The following IQCM variants were observed in gnomAD, a reference collection of about 807,000 sequenced individuals.
The protein encoded by IQCM is IQ domain-containing protein M.
In IQCM, 45 loss-of-function variants were observed where a neutral mutation model predicts 57.6. The observed-to-expected ratio is 0.78, with a 90% CI of 0.62 to 1.00. The LOEUF (loss-of-function observed/expected upper bound fraction) is 1.00. Among genes scored for constraint, IQCM ranks in the 50% least tolerant of loss-of-function variants. The pLI is 0.00. For missense variants in IQCM, 468 were observed against 511.6 expected (o/e 0.91, Z 0.82); for synonymous variants, 148 against 158.9 (o/e 0.93, Z 0.51).
intron 5 of IQCM, among the ~76,000 whole-genome samples, chr4:149,730,808 G>T (rs570660296): frequency 6.6e-6 from 1 of 152,216 alleles, no homozygotes; most frequent in African/African-American, 2.4e-5. Flanking sequence ...GTCCTTCAAT[G>T]CCACTGCAAA....
intron 12 of IQCM, among the ~76,000 whole-genome samples, chr4:149,519,811 T>C (rs1745422536): frequency 6.6e-6 from 1 of 151,860 alleles, no homozygotes; most frequent in South Asian, 2.1e-4. Context: ...AAGACCTTCC[T>C]GGCTAACACG....
chr4:149,428,566 A>G lies in IQCM; in HGVS notation c.1390+4830T>C, dbSNP rs150586755. 1.6e-4 allele frequency among the ~76,000 whole-genome samples: 24 copies of G among 151,960 alleles called. No individual in the cohort carries two copies. In the East Asian group the frequency reaches 3.9e-3, roughly 25 times the overall value. The stretch of plus-strand genomic sequence containing the variant: ...AGTGAATAAGTTTCAACTGCAATAA[A>G]GGATATATAAGAAAGTCTTATGTTA... On this transcript the variant is annotated intron_variant, in intron 13 of 13. Coordinates refer to ENST00000636793, the MANE Select transcript of IQCM (RefSeq NM_001363507.2).
intron 12 of IQCM, among the ~76,000 whole-genome samples, chr4:149,454,395 C>T (rs1421308030): frequency 6.6e-6 from 1 of 151,738 alleles, no homozygotes; most frequent in African/African-American, 2.4e-5. Context: ...CATGTTGCTA[C>T]TTGTAAGTGG....
At chr4:149,721,837 G>T (rs1432875931) in intron 5 of IQCM, among the ~76,000 whole-genome samples, 1 of 152,032 alleles carries the variant, frequency 6.6e-6, no homozygotes, top group Non-Finnish European at 1.5e-5. Flanking sequence ...TTGAATGGTA[G>T]ATCTACTTTT....
intron 12 of IQCM, among the ~76,000 whole-genome samples, chr4:149,442,953 CAGAGAG>C (rs56890715): frequency 0.13 from 12,323 of 97,392 alleles, 719 homozygotes; most frequent in South Asian, 0.3. Context: ...CACACACACA[CAGAGAG>C]AGAGAGAGAG....
intron 2 of IQCM, among the ~76,000 whole-genome samples, chr4:149,810,137 C>T (rs995522671): frequency 1.7e-4 from 26 of 151,940 alleles, no homozygotes; most frequent in African/African-American, 5.3e-4. Flanking sequence ...GTAATCCTAG[C>T]GCTTTGGGAG....
intron 2 of IQCM, among the ~76,000 whole-genome samples, chr4:149,772,910 T>G (rs2149991579): frequency 6.6e-6 from 1 of 152,336 alleles, no homozygotes; most frequent in South Asian, 2.1e-4. Context: ...GGCTAGCAGC[T>G]AAGATTTTTT....
chr4:149,429,920 G>T, intron 13 of IQCM: 1 of 1,017,464 alleles, frequency 9.8e-7, no homozygotes, highest in Non-Finnish European at 1.3e-6. Flanking sequence ...ACAACGTAAT[G>T]CCACTTGCAT....
At chr4:149,621,086 A>G in intron 8 of IQCM, 43 bp downstream of exon 8, 2 of 940,926 alleles carry the variant, frequency 2.1e-6, no homozygotes, top group East Asian at 3.3e-5. Context: ...ATTTACTGGA[A>G]AAATGGCAAT....
At chr4:149,667,134 G>A (rs1760802634) in intron 7 of IQCM, among the ~76,000 whole-genome samples, 1 of 152,108 alleles carries the variant, frequency 6.6e-6, no homozygotes, top group African/African-American at 2.4e-5. Context: ...TCCTGTCTGG[G>A]AGACACCTCC....
chr4:149,697,441 T>C lies in IQCM; in HGVS notation c.386-10973A>G, dbSNP rs1325129470. Among the ~76,000 whole-genome samples, 4 of 152,232 alleles carry C rather than the reference T, an allele frequency of 2.6e-5. No homozygotes were observed. In the South Asian group the frequency reaches 6.2e-4, roughly 24 times the overall value. On this transcript the variant is annotated intron_variant, in intron 5 of 13. Transcript: ENST00000636793. ...AGAGTTAAAAAAAAAGAGTTGATTGTTAATTATAAGGAATTTTGCAATCCA... is the reference window on the plus strand; with the variant it reads ...AGAGTTAAAAAAAAAGAGTTGATTGCTAATTATAAGGAATTTTGCAATCCA...
intron 2 of IQCM, among the ~76,000 whole-genome samples, chr4:149,795,015 G>T (rs1772986054): frequency 6.6e-6 from 1 of 151,978 alleles, no homozygotes; most frequent in African/African-American, 2.4e-5. Flanking sequence ...AAGATACAAT[G>T]GTTGAAAATA....
intron 12 of IQCM, among the ~76,000 whole-genome samples, chr4:149,440,121 CTTTTTTTTTTTT>C (rs955416306): frequency 1.1e-5 from 1 of 88,004 alleles, no homozygotes; most frequent in Non-Finnish European, 2.4e-5. Flanking sequence ...CATGCCCGGC[CTTTTTTTTTTTT>C]TTTTTTTTTT....
In IQCM at chr4:149,563,882, C is replaced by T. The variant is rs1463953003; in HGVS notation, c.758G>A (p.Gly253Asp). 2 of 1,220,646 alleles carry T rather than the reference C, an allele frequency of 1.6e-6. No homozygotes were observed. The highest frequency in any genetic ancestry group is 1.6e-5 in the African/African-American group (1 of 64,030). The allele number at this position is 1,220,646 out of a possible 1,614,324, so 75.6% of individuals were successfully genotyped here. ...PEPKSQPRIK[G>D]TPNKTDKLDS... ...AAGTTTATCAGTTTTATTTGGAGTA[C>T]CTTTTATCCTAAAAATAAAACAAAT... The change falls in exon 10 of 14, where the codon GGT becomes GAT. Residue 253 changes from glycine (G) to aspartate (D), a missense_variant. Coordinates refer to ENST00000636793, the MANE Select transcript of IQCM (RefSeq NM_001363507.2).
At chr4:149,749,092 T>C (rs1768197572) in intron 2 of IQCM, among the ~76,000 whole-genome samples, 1 of 152,198 alleles carries the variant, frequency 6.6e-6, no homozygotes. Flanking sequence ...ATAGAACTAC[T>C]GAAATATTCA....
At chr4:149,787,296 T>TA (rs1158089664) in intron 2 of IQCM, among the ~76,000 whole-genome samples, 1 of 151,552 alleles carries the variant, frequency 6.6e-6, no homozygotes, top group Non-Finnish European at 1.5e-5. Context: ...TTTTTTTTTT[T>TA]AGAAGAAATA....
intron 4 of IQCM, among the ~76,000 whole-genome samples, chr4:149,734,824 C>T (rs186879744): frequency 2.1e-3 from 323 of 152,178 alleles, no homozygotes; most frequent in Non-Finnish European, 3.9e-3. Context: ...CTTCTTCTCA[C>T]TTTCGAAATA....
chr4:149,427,624 AC>A, intron 13 of IQCM, among the ~76,000 whole-genome samples: 1 of 151,918 alleles, frequency 6.6e-6, no homozygotes. Context: ...ATAGTCAAAA[AC>A]TTTAGCCAGG....
At chr4:149,740,818 T>C (rs779269703) in intron 3 of IQCM, among the ~76,000 whole-genome samples, 24 of 152,136 alleles carry the variant, frequency 1.6e-4, no homozygotes, top group South Asian at 8.3e-4. Context: ...AGTGCCTCTG[T>C]GGAAAGAACC....
Sources: allele counts gnomAD v4.1 joint callset (sites outside exome capture counted in the v4.1 genomes callset), GRCh38; gene constraint gnomAD v4.1.1; transcripts MANE v1.5; gene names NCBI Gene and HGNC (gene_info 2026-07-23, HGNC 2026-07-21).